Variants in KCNIP4 observed in about 807,000 individuals in gnomAD.
The protein encoded by KCNIP4 is potassium voltage-gated channel interacting protein 4.
Under a neutral mutation model 34.0 loss-of-function variants are expected in KCNIP4, and 12 were observed. The ratio of observed to expected loss-of-function variants is 0.35; its 90% CI spans 0.23 to 0.57. KCNIP4 has a LOEUF of 0.57. Among genes scored for constraint, KCNIP4 ranks in the 20% least tolerant of loss-of-function variants. The pLI is 0.83. For synonymous variants in KCNIP4, 124 were observed against 102.2 expected, an observed-to-expected ratio of 1.21 and a Z score of -1.29; for missense variants, 238 against 311.7, an observed-to-expected ratio of 0.76 and a Z score of 1.78.
At chr4:21,525,464 C>A (rs978753929) in intron 1 of KCNIP4, among the ~76,000 whole-genome samples, 1 of 152,036 alleles carries the variant, frequency 6.6e-6, no homozygotes, top group Non-Finnish European at 1.5e-5. Flanking sequence ...GAACTTCAGG[C>A]AAAATACTCA....
At chr4:20,748,475 C>T (rs1182807261) in intron 5 of KCNIP4, among the ~76,000 whole-genome samples, 1 of 150,972 alleles carries the variant, frequency 6.6e-6, no homozygotes, top group African/African-American at 2.4e-5. Context: ...ATCTGCTTCC[C>T]TTTATCAGAG....
rs534933223 is a variant in KCNIP4, at chr4:21,098,371, G to A, written c.62-215662C>T. On this transcript the variant is annotated intron_variant, in intron 1 of 8. Transcript: ENST00000382152. ...AATGTTATCTAGGACTTTCATAGCT[G>A]TGGAGAAGTCAATGTCTGGCTTCAA... Among the ~76,000 whole-genome samples, 5 of 152,336 alleles carry A rather than the reference G, an allele frequency of 3.3e-5. No individual in the cohort carries two copies. In the South Asian group the frequency reaches 1.0e-3, roughly 32 times the overall value.
chr4:21,818,672 T>C (rs1426078721), intron 1 of KCNIP4, among the ~76,000 whole-genome samples: 1 of 152,226 alleles, frequency 6.6e-6, no homozygotes. Flanking sequence ...CAGAAATTTC[T>C]GTTGGATACT....
Position 21,363,457 on chromosome 4 carries a change from G to A in KCNIP4, c.62-480748C>T, listed in dbSNP as rs115267247. Among the ~76,000 whole-genome samples, 717 of 152,216 alleles carry A rather than the reference G, an allele frequency of 4.7e-3. 7 individuals carry two copies. Among genetic ancestry groups the A allele is most frequent in the African/African-American group, 0.017 (689 of 41,518 alleles). On this transcript the variant is annotated intron_variant, in intron 1 of 8. Coordinates refer to ENST00000382152, the MANE Select transcript of KCNIP4 (RefSeq NM_025221.6). ...ACAAAGTGAACCAGGAGTGTTTGAA[G>A]GCCTGCTTTGTAACCAACTGCATCA...
chr4:21,196,418 C>T (rs1756059967), intron 1 of KCNIP4, among the ~76,000 whole-genome samples: 2 of 152,196 alleles, frequency 1.3e-5, no homozygotes, highest in South Asian at 4.1e-4. Context: ...GACACAACCT[C>T]TTTAACACAA....
intron 1 of KCNIP4, among the ~76,000 whole-genome samples, chr4:21,053,521 C>T (rs1051556117): frequency 3.3e-5 from 5 of 151,994 alleles, no homozygotes; most frequent in African/African-American, 1.2e-4. Context: ...CTAAGAAAAA[C>T]AAGACAAAAT....
intron 1 of KCNIP4, among the ~76,000 whole-genome samples, chr4:21,308,079 G>A (rs1008388963): frequency 7.9e-5 from 12 of 152,150 alleles, no homozygotes; most frequent in Non-Finnish European, 1.5e-5. Flanking sequence ...CCTTCAAGTC[G>A]CAGCGTGGAT....
chr4:21,243,994 A>G (rs1231289356), intron 1 of KCNIP4, among the ~76,000 whole-genome samples: 1 of 152,204 alleles, frequency 6.6e-6, no homozygotes, highest in Non-Finnish European at 1.5e-5. Context: ...GCAAACATGG[A>G]TAAATTGCTA....
intron 1 of KCNIP4, among the ~76,000 whole-genome samples, chr4:21,399,709 T>A (rs956760262): frequency 6.6e-6 from 1 of 151,172 alleles, no homozygotes; most frequent in African/African-American, 2.4e-5. Flanking sequence ...CAGGCTGGAG[T>A]GCAGTGGCAC....
At chr4:21,213,384 C>T (rs969191250) in intron 1 of KCNIP4, among the ~76,000 whole-genome samples, 1 of 152,078 alleles carries the variant, frequency 6.6e-6, no homozygotes, top group Non-Finnish European at 1.5e-5. Context: ...TCACTGCAAC[C>T]TCTGCCTGCC....
intron 3 of KCNIP4, among the ~76,000 whole-genome samples, chr4:20,799,837 A>G (rs1714000788): frequency 6.6e-6 from 1 of 152,140 alleles, no homozygotes; most frequent in Non-Finnish European, 1.5e-5. Flanking sequence ...AGTCTCTGGA[A>G]AATCCCTTCT....
intron 1 of KCNIP4, among the ~76,000 whole-genome samples, chr4:21,262,670 G>A (rs755878291): frequency 3.3e-5 from 5 of 152,080 alleles, no homozygotes; most frequent in Non-Finnish European, 7.3e-5. Context: ...TTCTCTGGGA[G>A]CAATTTCTAA....
chr4:21,817,647 G>A (rs1302110278), intron 1 of KCNIP4, among the ~76,000 whole-genome samples: 1 of 152,034 alleles, frequency 6.6e-6, no homozygotes, highest in Admixed American at 6.6e-5. Context: ...CATTCCTTGC[G>A]GGAGGTCTAT....
chr4:21,638,639 GT>G (rs1207364739), intron 1 of KCNIP4, among the ~76,000 whole-genome samples: 4 of 152,072 alleles, frequency 2.6e-5, no homozygotes, highest in Admixed American at 1.3e-4. Flanking sequence ...CTACACCCTG[GT>G]TTTTGGAAAT....
At chr4:21,870,721 T>G (rs946521577) in intron 1 of KCNIP4, among the ~76,000 whole-genome samples, 1 of 152,214 alleles carries the variant, frequency 6.6e-6, no homozygotes, top group African/African-American at 2.4e-5. Flanking sequence ...TCTCAAATTC[T>G]TTTGTGTGGC....
At chr4:21,228,179 A>C (rs1349669321) in intron 1 of KCNIP4, among the ~76,000 whole-genome samples, 1 of 152,104 alleles carries the variant, frequency 6.6e-6, no homozygotes, top group African/African-American at 2.4e-5. Flanking sequence ...GTGTTGGAGA[A>C]GGGGCCTAGT....
intron 1 of KCNIP4, among the ~76,000 whole-genome samples, chr4:21,710,322 TACACCC>T (rs932552825): frequency 6.6e-6 from 1 of 152,106 alleles, no homozygotes; most frequent in African/African-American, 2.4e-5. Flanking sequence ...CTTGCTGCCA[TACACCC>T]TTCTCATCAG....
rs567125666 is a variant in KCNIP4, at chr4:21,730,662, C to T, written c.61+217909G>A. ...ATGGGTAAAGGGGATGTAGGAGTCA[C>T]GGATGTGCCAGCCAACTTTATTTAG... On this transcript the variant is annotated intron_variant, in intron 1 of 8. Coordinates refer to ENST00000382152, the MANE Select transcript of KCNIP4 (RefSeq NM_025221.6). 1.3e-4 allele frequency among the ~76,000 whole-genome samples: 20 copies of T among 152,218 alleles called. No individual in the cohort carries two copies. In the South Asian group the frequency reaches 2.1e-3, roughly 16 times the overall value.
intron 3 of KCNIP4, among the ~76,000 whole-genome samples, chr4:20,833,130 T>C (rs573346917): frequency 6.6e-6 from 1 of 152,368 alleles, no homozygotes; most frequent in South Asian, 2.1e-4. Context: ...TCTCTTCATG[T>C]GGCTTTGGCA....
Sources: allele counts gnomAD v4.1 joint callset (sites outside exome capture counted in the v4.1 genomes callset), GRCh38; gene constraint gnomAD v4.1.1; transcripts MANE v1.5; gene names NCBI Gene and HGNC (gene_info 2026-07-23, HGNC 2026-07-21).